RHEB: variants seen among roughly 807,000 people sequenced by gnomAD.
The protein encoded by RHEB is Ras homolog, mTORC1 binding.
A neutral mutation model predicts 28.8 loss-of-function variants in RHEB; 2 were observed. The observed-to-expected ratio is 0.07, with a 90% confidence interval of 0.03 to 0.22. RHEB has a LOEUF of 0.22. Among genes scored for constraint, RHEB ranks in the 10% least tolerant of loss-of-function variants. RHEB has a pLI of 1.00. For synonymous variants in RHEB, 69 were observed against 77.3 expected (o/e 0.89, Z 0.56); for missense variants, 76 against 219.9 (o/e 0.35, Z 4.14).
chr7:151,507,919 GA>G (rs1305149531), intron 1 of RHEB, among the ~76,000 whole-genome samples: 1 of 152,000 alleles, frequency 6.6e-6, no homozygotes, highest in East Asian at 1.9e-4. Flanking sequence ...TTAAACTAAA[GA>G]AAAATAAAGT....
At chr7:151,473,665 C>T (rs529581564) in intron 4 of RHEB, among the ~76,000 whole-genome samples, 1 of 152,310 alleles carries the variant, frequency 6.6e-6, no homozygotes, top group South Asian at 2.1e-4. Context: ...CATACTCCCT[C>T]ATGTCTCAAA....
intron 3 of RHEB, among the ~76,000 whole-genome samples, chr7:151,479,682 C>CAA (rs10690355): frequency 0.043 from 4,876 of 112,936 alleles, 330 homozygotes; most frequent in African/African-American, 0.15. Context: ...GACTCCGTCT[C>CAA]AAAAAAAAAA....
intron 1 of RHEB, among the ~76,000 whole-genome samples, chr7:151,515,880 C>T (rs1803068008): frequency 1.3e-5 from 2 of 152,190 alleles, no homozygotes; most frequent in South Asian, 4.1e-4. Flanking sequence ...TTTCACATGC[C>T]TGTGATCCCA....
intron 6 of RHEB, 62 bp from the exon 7 acceptor site, chr7:151,470,714 A>AT: frequency 8.6e-7 from 1 of 1,164,290 alleles, no homozygotes; most frequent in Non-Finnish European, 1.2e-6. Context: ...AACATGTATA[A>AT]TTGATTTATG....
rs1192808489 is a variant in RHEB at position 151,468,081 on chromosome 7, C to T, written c.463-870G>A. Among the ~76,000 whole-genome samples, 1 of 152,002 alleles carries T rather than the reference C, an allele frequency of 6.6e-6. No individual in the cohort carries two copies. Among genetic ancestry groups the T allele is most frequent in the African/African-American group, 2.4e-5 (1 of 41,358 alleles). ...AAAACTGCCCCTGTTCTCAGAAGCC[C>T]CACAGGAAGTACCCTGTTCTCCTAA... On this transcript the variant is annotated intron_variant, in intron 7 of 7. Transcript: ENST00000262187. This position sits in a 1 kb window ranked among gnomAD's most constrained non-coding sequence, Gnocchi z 4.3.
chr7:151,489,357 G>C (rs1232183509), intron 2 of RHEB, among the ~76,000 whole-genome samples: 2 of 152,130 alleles, frequency 1.3e-5, no homozygotes, highest in Non-Finnish European at 2.9e-5. Flanking sequence ...CCTCACACTT[G>C]CTTACTATTA....
intron 2 of RHEB, among the ~76,000 whole-genome samples, chr7:151,487,630 T>C (rs1309995583): frequency 6.6e-6 from 1 of 152,180 alleles, no homozygotes; most frequent in Admixed American, 6.5e-5. Context: ...CTTGCTGTCA[T>C]AGGAAAACTG....
intron 3 of RHEB, among the ~76,000 whole-genome samples, chr7:151,481,274 T>C (rs555078605): frequency 6.6e-6 from 1 of 152,254 alleles, no homozygotes; most frequent in South Asian, 2.1e-4. Context: ...CATTCCTAGG[T>C]GGGCAATTAA....
At chr7:151,495,106 T>C (rs916596215) in intron 1 of RHEB, among the ~76,000 whole-genome samples, 1 of 152,210 alleles carries the variant, frequency 6.6e-6, no homozygotes, top group Admixed American at 6.5e-5. Context: ...TTTCTCTCAA[T>C]AACTTCATAT....
chr7:151,516,283 T>C lies in RHEB; in HGVS notation c.52+3177A>G, dbSNP rs574409094. ...CTACCTGAGAATTATATTTTACCTA[T>C]TGGTAGTTCTGACAACACTCAAAAA... is the stretch of plus-strand genomic sequence containing the variant. On this transcript the variant is annotated intron_variant, in intron 1 of 7. Coordinates refer to ENST00000262187, the MANE Select transcript of RHEB (RefSeq NM_005614.4). 5.3e-5 allele frequency among the ~76,000 whole-genome samples: 8 copies of C among 152,176 alleles called. No individual in the cohort carries two copies. The East Asian group carries it at 7.7e-4, about 15-fold the overall frequency.
At position 151,495,007 on chromosome 7, in the gene RHEB, G is replaced by A. The variant is rs75365272; in HGVS notation, c.53-3993C>T. Among the ~76,000 whole-genome samples, 837 of 152,308 alleles carry A rather than the reference G, an allele frequency of 5.5e-3. 7 individuals carry two copies. The highest frequency in any genetic ancestry group is 0.02 in the African/African-American group (813 of 41,556). On this transcript the variant is annotated intron_variant, in intron 1 of 7. Transcript: ENST00000262187. The stretch of plus-strand genomic sequence containing the variant: ...GCTTTAAGGAGTGTCTTCTGGAGAC[G>A]TAGTTCAGATCTTTTGGTTAGGTTT...
intron 1 of RHEB, among the ~76,000 whole-genome samples, chr7:151,507,239 T>C (rs1402402370): frequency 6.6e-6 from 1 of 152,240 alleles, no homozygotes; most frequent in African/African-American, 2.4e-5. Context: ...ATGTGTTCCT[T>C]ACATGACACA....
chr7:151,503,223 CACAG>C, intron 1 of RHEB: 11 of 784,150 alleles, frequency 1.4e-5, no homozygotes, highest in Non-Finnish European at 1.9e-5. Context: ...AATCTCATTT[CACAG>C]ACAAAGAGAC....
intron 1 of RHEB, chr7:151,502,766 CTA>C: frequency 1.3e-6 from 2 of 1,492,696 alleles, no homozygotes; most frequent in South Asian, 1.1e-5. Flanking sequence ...AGCGACATAA[CTA>C]TGTTCAGAAA....
intron 4 of RHEB, among the ~76,000 whole-genome samples, chr7:151,475,713 G>A (rs1272654213): frequency 6.6e-6 from 1 of 152,000 alleles, no homozygotes; most frequent in East Asian, 1.9e-4. Context: ...TGCTTTCAGT[G>A]ACAATATAAA....
intron 1 of RHEB, among the ~76,000 whole-genome samples, chr7:151,506,899 CTG>C (rs1802891839): frequency 6.6e-6 from 1 of 152,182 alleles, no homozygotes; most frequent in Admixed American, 6.5e-5. Context: ...CTCCCTTTCT[CTG>C]TGTCTCCTCC....
At chr7:151,485,779 A>G (rs1218364224) in intron 2 of RHEB, among the ~76,000 whole-genome samples, 1 of 152,236 alleles carries the variant, frequency 6.6e-6, no homozygotes, top group Non-Finnish European at 1.5e-5. Flanking sequence ...TTCCACAGGG[A>G]AAGAAATGAT....
intron 1 of RHEB, chr7:151,502,585 G>A: frequency 7.9e-7 from 1 of 1,258,132 alleles, no homozygotes; most frequent in Non-Finnish European, 1.2e-6. Context: ...CCATAAAGGG[G>A]CTCTTACAGC....
intron 1 of RHEB, among the ~76,000 whole-genome samples, chr7:151,498,343 A>T (rs1425767973): frequency 6.6e-6 from 1 of 152,166 alleles, no homozygotes; most frequent in Non-Finnish European, 1.5e-5. Context: ...AATTGAAAGG[A>T]TACAGTAGCT....
Sources: gnomAD v4.1 joint callset for allele counts (sites outside exome capture counted in the v4.1 genomes callset) on GRCh38, gnomAD v4.1.1 for gene constraint, Gnocchi (gnomAD v3.1) non-coding constraint, MANE v1.5 for transcripts, NCBI Gene and HGNC (gene_info 2026-07-23, HGNC 2026-07-21) for gene names.